The following IFI16 variants were observed in gnomAD, a reference collection of about 807,000 sequenced individuals.
IFI16 encodes interferon gamma inducible protein 16.
Under a neutral mutation model 68.4 loss-of-function variants are expected in IFI16, and 49 were observed. That is an observed-to-expected ratio of 0.72 (90% CI 0.57 to 0.91). The LOEUF (loss-of-function observed/expected upper bound fraction) is 0.91. Among genes scored for constraint, IFI16 ranks in the 40% least tolerant of loss-of-function variants. The pLI is 0.00. For synonymous variants in IFI16, 307 were observed against 315.0 expected (o/e 0.97, Z 0.27); for missense variants, 878 against 942.9 (o/e 0.93, Z 0.90).
At chr1:159,015,732 T>C (rs928948282) in intron 2 of IFI16, 140 bp from the exon 3 acceptor site, 3 of 636,300 alleles carry the variant, frequency 4.7e-6, no homozygotes, top group South Asian at 1.9e-5. Context: ...GCTAATGCAG[T>C]AGAGCTAGAC....
chr1:159,002,846 G>T (rs1652109569), upstream of IFI16, among the ~76,000 whole-genome samples: 1 of 152,134 alleles, frequency 6.6e-6, no homozygotes, highest in Non-Finnish European at 1.5e-5. Context: ...TACTTCCTAG[G>T]CTCTATTCAT....
intron 7 of IFI16, among the ~76,000 whole-genome samples, chr1:159,036,411 C>T (rs1193949454): frequency 6.6e-6 from 1 of 152,144 alleles, no homozygotes; most frequent in Admixed American, 6.6e-5. Flanking sequence ...TATTGTCAGT[C>T]ACATTTCACA....
In IFI16 at chr1:159,046,165, T is replaced by C. The variant is rs559603613; in HGVS notation, c.1497+701T>C. ...TACGTTATTTGGCTTATGTTGTTTC[T>C]AGTATTCTGTGAATTTACAATGAAC... is the stretch of plus-strand genomic sequence containing the variant. On this transcript the variant is annotated intron_variant, in intron 8 of 11. Transcript: ENST00000295809. Among the ~76,000 whole-genome samples, 9 of 151,410 alleles carry C rather than the reference T, an allele frequency of 5.9e-5. No homozygotes were observed. In the South Asian group the frequency reaches 1.9e-3, roughly 31 times the overall value.
rs949374864 is a variant in IFI16 at position 159,000,332 on chromosome 1, T to C, written c.-243T>C. 3 of 230,238 alleles carry C rather than the reference T, an allele frequency of 1.3e-5. No homozygotes were observed. In the South Asian group the frequency reaches 2.6e-4, roughly 20 times the overall value. 14.3% of individuals were successfully genotyped at this position (230,238 alleles called of 1,614,324 possible). ...CTCCATCTCACGACTTTTCAGCTTA[T>C]AAGGGATCCAAACTATGTAAGATTA... is the stretch of plus-strand genomic sequence containing the variant. On this transcript the variant is annotated 5_prime_UTR_variant, in exon 1 of 3. Transcript: ENST00000566111.
At chr1:159,022,526 C>T (rs114088594) in intron 6 of IFI16, among the ~76,000 whole-genome samples, 4,238 of 152,168 alleles carry the variant, frequency 0.028, 88 homozygotes, top group African/African-American at 0.056. Context: ...TGTATTTGTC[C>T]CGACTGGCTA....
At chr1:159,006,310 T>C (rs1486747086), upstream of IFI16, among the ~76,000 whole-genome samples, 45 of 152,190 alleles carry the variant, frequency 3.0e-4, 1 homozygote, top group Admixed American at 2.9e-3. Flanking sequence ...GCAATAATTC[T>C]ACAGAAGCAA....
rs1294549208 is a variant in IFI16 at position 159,053,556 on chromosome 1, T to C, written c.2109T>C (p.Thr703=). The C allele has an allele frequency of 6.2e-7, 1 of 1,609,160 alleles. No homozygotes were observed. ...AGAAAAATGTAAGGGGTGAATTCAC[T>C]TATTATGAAATACAAGATAATACAG... ...VHKKNVRGEF[T]YYEIQDNTGK... is the part of the protein sequence containing the mutation. The change falls in exon 11 of 12, where the codon ACT becomes ACC. Residue 703 remains threonine (T), a synonymous_variant. Coordinates refer to ENST00000295809, the MANE Select transcript of IFI16 (RefSeq NM_001376587.1).
At position 159,040,699 on chromosome 1, in the gene IFI16, A is replaced by G. The variant is rs544816454; in HGVS notation, c.1330-4598A>G. Among the ~76,000 whole-genome samples, 157 of 152,340 alleles carry G rather than the reference A, an allele frequency of 1.0e-3. 1 individual carries two copies. The highest frequency in any genetic ancestry group is 3.7e-3 in the African/African-American group (154 of 41,582). On this transcript the variant is annotated intron_variant, in intron 7 of 11. Transcript: ENST00000295809. ...CATCAGGCAGAAATTCAAATCCTGC[A>G]CAGGCCATTATTAACAATGGCAATA...
intron 4 of IFI16, 60 bp from the exon 5 acceptor site, chr1:159,018,169 A>C: frequency 7.1e-7 from 1 of 1,412,980 alleles, no homozygotes; most frequent in Non-Finnish European, 9.8e-7. Context: ...GTCACTGAAT[A>C]GCAGTTCTGT....
At chr1:159,032,393 T>C (rs1244274696) in intron 6 of IFI16, 131 bp from the exon 7 acceptor site, 3 of 538,650 alleles carry the variant, frequency 5.6e-6, no homozygotes, top group Admixed American at 8.0e-5. Flanking sequence ...GAGGGATACA[T>C]TAGAGAGAGA....
chr1:159,018,157 A>C, intron 4 of IFI16, 72 bp from the exon 5 acceptor site: 1 of 1,307,492 alleles, frequency 7.6e-7, no homozygotes, highest in Non-Finnish European at 1.1e-6. Flanking sequence ...TGTTATACTG[A>C]GGTCACTGAA....
rs116831648 is a variant in IFI16, at chr1:159,053,867, C to G, written c.2277+143C>G. On this transcript the variant is annotated intron_variant, in intron 11 of 11. Transcript: ENST00000295809. ...TGCACTTTACTGGGTGTAAACTTCC[C>G]ACCATTGTTTTTAAAGAAGGATACT... 2.3e-3 allele frequency: 1,230 copies of G among 525,694 alleles called. 17 individuals carry two copies. Among genetic ancestry groups the G allele is most frequent in the African/African-American group, 0.022 (1,118 of 51,268 alleles). The allele number at this position is 525,694 out of a possible 1,614,324, so 32.6% of individuals were successfully genotyped here. A position where few individuals can be genotyped will look rare whatever the true frequency, so the allele number is the denominator to read the frequency against.
chr1:159,043,393 C>T (rs1654784864), intron 7 of IFI16, among the ~76,000 whole-genome samples: 1 of 152,232 alleles, frequency 6.6e-6, no homozygotes, highest in African/African-American at 2.4e-5. Flanking sequence ...GCAGCACAAT[C>T]ATTTCTACTT....
intron 7 of IFI16, among the ~76,000 whole-genome samples, chr1:159,038,312 G>GTTTTATAGCCCTT (rs1275305890): frequency 6.6e-6 from 1 of 152,074 alleles, no homozygotes; most frequent in Non-Finnish European, 1.5e-5. Context: ...TAACAAGCAG[G>GTTTTATAGCCCTT]TTTTATAGCC....
rs200414870 is a variant in IFI16, at chr1:159,032,662, A to T, written c.1300A>T (p.Thr434Ser). ...TCTTCGGACTCCTCAGATGCCACCA[A>T]CAACTCCATCCAGCAGTTTCTTCAC... ...SHLRTPQMPP[T>S]TPSSSFFTKK... The change falls in exon 7 of 12, where the codon ACA (threonine) becomes TCA (serine). Residue 434 changes from threonine to serine, a missense_variant. Around this residue, in one of 4 missense-constraint regions of IFI16, gnomAD observed 443 missense variants for 421.8 expected, o/e 1.05. Coordinates refer to ENST00000295809, the MANE Select transcript of IFI16 (RefSeq NM_001376587.1). The T allele has an allele frequency of 6.2e-7, 1 of 1,603,618 alleles. No individual in the cohort carries two copies. Among genetic ancestry groups the T allele is most frequent in the Non-Finnish European group, 8.5e-7 (1 of 1,176,338 alleles).
rs1443405919 is a variant in IFI16, at chr1:159,020,415, A to G, written c.1047A>G (p.Gly349=). 1.2e-6 allele frequency: 2 copies of G among 1,612,170 alleles called. No individual in the cohort carries two copies. Among genetic ancestry groups the G allele is most frequent in the African/African-American group, 2.7e-5 (2 of 74,864 alleles). The change falls in exon 6 of 12, where the codon GGA becomes GGG. Residue 349 remains glycine (G), a synonymous_variant. Transcript: ENST00000295809. ...GAAAAATGGATGTAGTGGGGACAGG[A>G]CAATGTCACAATATCCCCTGTGAAG... ...DRGKMDVVGT[G]QCHNIPCEEG... is the part of the protein sequence containing the mutation.
At position 159,049,919 on chromosome 1, in the gene IFI16, C is replaced by T. The variant is rs148316524; in HGVS notation, c.1665+320C>T. Among the ~76,000 whole-genome samples the T allele has an allele frequency of 6.4e-3, 973 of 151,196 alleles. 14 individuals are homozygous for T. Among genetic ancestry groups the T allele is most frequent in the African/African-American group, 0.023 (925 of 40,576 alleles). On this transcript the variant is annotated intron_variant, in intron 9 of 11. Transcript: ENST00000295809. ...ACAAGGTGGGAAAAAACAGAGCCAC[C>T]CATAACACTATCACTGATTTTTCCC... is the stretch of plus-strand genomic sequence containing the variant.
chr1:159,035,795 T>C (rs1633264), intron 7 of IFI16, among the ~76,000 whole-genome samples: 151,002 of 152,050 alleles, frequency 0.99, 74,989 homozygotes, highest in Middle Eastern at 1. Flanking sequence ...GCAAGAAACA[T>C]AAATTGACAT....
At chr1:159,048,545 C>A (rs1439656185) in intron 8 of IFI16, among the ~76,000 whole-genome samples, 1 of 151,416 alleles carries the variant, frequency 6.6e-6, no homozygotes, top group Non-Finnish European at 1.5e-5. Context: ...GGGTTTATTT[C>A]CATAGTCCAG....
Sources: allele counts gnomAD v4.1 joint callset (sites outside exome capture counted in the v4.1 genomes callset), GRCh38; gene constraint gnomAD v4.1.1; regional missense constraint gnomAD v4.1.1; transcripts MANE v1.5; gene names NCBI Gene and HGNC (gene_info 2026-07-23, HGNC 2026-07-21).